MAN2A1: variants seen among roughly 807,000 people sequenced by gnomAD.
MAN2A1 encodes the protein mannosidase alpha class 2A member 1, also known as alpha-mannosidase 2.
MAN2A1 carries 76 observed loss-of-function variants against 142.6 expected under a neutral mutation model. The ratio of observed to expected loss-of-function variants is 0.53; its 90% confidence interval spans 0.44 to 0.65. The LOEUF (loss-of-function observed/expected upper bound fraction) is 0.65. MAN2A1 is among the 30% of genes least tolerant of loss of function. The pLI, the probability that MAN2A1 is intolerant of heterozygous loss-of-function variation, is 0.00. For missense variants in MAN2A1, 1,311 were observed against 1,365.1 expected (o/e 0.96, Z 0.62); for synonymous variants, 559 against 473.2 (o/e 1.18, Z -2.35).
chr5:109,791,377 A>G (rs76624290), intron 12 of MAN2A1, among the ~76,000 whole-genome samples: 2,857 of 152,188 alleles, frequency 0.019, 34 homozygotes, highest in Middle Eastern at 0.075. Flanking sequence ...GTAAAAATAG[A>G]TGAACAATGA....
chr5:109,771,653 G>A (rs561241281), intron 7 of MAN2A1, among the ~76,000 whole-genome samples: 2 of 152,328 alleles, frequency 1.3e-5, no homozygotes, highest in South Asian at 4.1e-4. Context: ...GTTGGGTTAA[G>A]TAGGCATAAG....
At chr5:109,838,874 G>T (rs543094625) in intron 16 of MAN2A1, among the ~76,000 whole-genome samples, 28 of 152,264 alleles carry the variant, frequency 1.8e-4, no homozygotes, top group African/African-American at 4.6e-4. Flanking sequence ...TGAGAAAGAT[G>T]ATTTTCTCAA....
Position 109,817,257 on chromosome 5 carries a change from G to A in MAN2A1, c.1944-16G>A. The stretch of plus-strand genomic sequence containing the variant: ...AATATTTTGAGATCCCAATAATGAA[G>A]CAGCTGTTTTTGCAGGTACCTTGTG... On this transcript the variant is annotated splice_polypyrimidine_tract_variant and intron_variant, in intron 12 of 21. Transcript: ENST00000261483. The A allele has an allele frequency of 6.2e-7, 1 of 1,611,002 alleles. No homozygotes were observed. Among genetic ancestry groups the A allele is most frequent in the Non-Finnish European group, 8.5e-7 (1 of 1,178,268 alleles).
chr5:109,727,313 G>A (rs1256618488), intron 3 of MAN2A1, among the ~76,000 whole-genome samples: 2 of 152,024 alleles, frequency 1.3e-5, no homozygotes, highest in Non-Finnish European at 2.9e-5. Context: ...GCTTGTTGAT[G>A]GCTGTCTTCT....
chr5:109,800,964 G>T (rs1490080485), intron 12 of MAN2A1, among the ~76,000 whole-genome samples: 7 of 152,124 alleles, frequency 4.6e-5, no homozygotes, highest in African/African-American at 1.7e-4. Context: ...GAATCATCTC[G>T]CATTCATTGT....
intron 12 of MAN2A1, among the ~76,000 whole-genome samples, chr5:109,806,170 T>C (rs1217553918): frequency 1.3e-5 from 2 of 152,156 alleles, no homozygotes; most frequent in African/African-American, 2.4e-5. Context: ...CTGAGTGCTC[T>C]AGTTGCTGCA....
chr5:109,830,184 A>G (rs944447836), intron 16 of MAN2A1, among the ~76,000 whole-genome samples: 1 of 152,150 alleles, frequency 6.6e-6, no homozygotes, highest in African/African-American at 2.4e-5. Context: ...TTTTTTCATG[A>G]TATGCATTTT....
In MAN2A1 at chr5:109,798,670, GTTTGTTTTGT is replaced by G. The variant is rs146995078; in HGVS notation, c.1943+9162_1943+9171del. Among the ~76,000 whole-genome samples, 33 of 151,974 alleles carry G rather than the reference GTTTGTTTTGT, an allele frequency of 2.2e-4. 1 individual carries two copies. Among genetic ancestry groups the G allele is most frequent in the African/African-American group, 5.1e-4 (21 of 41,444 alleles). On this transcript the variant is annotated intron_variant, in intron 12 of 21. Transcript: ENST00000261483. ...GACCTTTTCATTCTGTGTTTTGTTT[GTTTGTTTTGT>G]TTTGTTTTGTTTTGTTTTTGAGATG...
At chr5:109,843,134 G>A (rs1174554953) in intron 17 of MAN2A1, among the ~76,000 whole-genome samples, 2 of 152,050 alleles carry the variant, frequency 1.3e-5, no homozygotes, top group African/African-American at 4.8e-5. Flanking sequence ...CTCTCACACT[G>A]CTATAGCGAA....
chr5:109,821,063 T>C (rs757847154), intron 15 of MAN2A1, among the ~76,000 whole-genome samples: 1 of 152,130 alleles, frequency 6.6e-6, no homozygotes. Flanking sequence ...ATACGCAAAC[T>C]CTGGCACATT....
intron 4 of MAN2A1, among the ~76,000 whole-genome samples, chr5:109,735,452 A>G (rs898631278): frequency 3.3e-5 from 5 of 152,128 alleles, no homozygotes; most frequent in Non-Finnish European, 7.4e-5. Context: ...TAGTTGATGC[A>G]GTTTCTTCCT....
In MAN2A1 at chr5:109,758,197, C is replaced by T. The variant is rs147926449; in HGVS notation, c.835+2741C>T. Among the ~76,000 whole-genome samples the T allele has an allele frequency of 2.7e-3, 412 of 152,146 alleles. 3 individuals are homozygous for T. Among genetic ancestry groups the T allele is most frequent in the African/African-American group, 9.3e-3 (388 of 41,544 alleles). On this transcript the variant is annotated intron_variant, in intron 5 of 21. Transcript: ENST00000261483. ...TTCACCAACATTTGTTACTGTCTCT[C>T]TTTTTTATTGTAGTCATTCTAATAT...
rs1047004 is a variant in MAN2A1 at position 109,867,024 on chromosome 5, A to G, written c.*26A>G. The G allele has an allele frequency of 0.064, 103,073 of 1,598,734 alleles. 3,969 individuals are homozygous for G. Among genetic ancestry groups the G allele is most frequent in the Non-Finnish European group, 0.072 (84,789 of 1,171,774 alleles). On this transcript the variant is annotated 3_prime_UTR_variant, in exon 22 of 22. Coordinates refer to ENST00000261483, the MANE Select transcript of MAN2A1 (RefSeq NM_002372.4). ...ACCTGACTTTCACATTTGGATTGAG[A>G]ATCATTGGCTTTTATACCTTTCTTG...
intron 20 of MAN2A1, among the ~76,000 whole-genome samples, chr5:109,861,704 A>T (rs1396084053): frequency 6.6e-6 from 1 of 152,220 alleles, no homozygotes; most frequent in Non-Finnish European, 1.5e-5. Flanking sequence ...TCCTGGGAGC[A>T]CGCTCAGGTG....
intron 7 of MAN2A1, among the ~76,000 whole-genome samples, chr5:109,773,784 T>C (rs1007375053): frequency 2.0e-5 from 3 of 152,176 alleles, no homozygotes; most frequent in Admixed American, 2.0e-4. Context: ...CATTCTGTCA[T>C]TGGTGTTCTT....
intron 4 of MAN2A1, among the ~76,000 whole-genome samples, chr5:109,750,703 TATGA>T (rs1396445742): frequency 1.3e-5 from 2 of 152,144 alleles, no homozygotes; most frequent in Non-Finnish European, 2.9e-5. Flanking sequence ...TATTTTGAAA[TATGA>T]ATCCCTTGGC....
Position 109,817,421 on chromosome 5 carries a change from T to A in MAN2A1, c.2092T>A (p.Ser698Thr). 1 of 1,613,918 alleles carries A rather than the reference T, an allele frequency of 6.2e-7. No homozygotes were observed. Among genetic ancestry groups the A allele is most frequent in the Non-Finnish European group, 8.5e-7 (1 of 1,179,920 alleles). Residue 698 changes from serine to threonine, a missense_variant, in exon 13 of 22, where the codon TCA becomes ACA. By Grantham distance (58) the Ser-to-Thr change is moderately conservative (BLOSUM62 1). Transcript: ENST00000261483. ...SAVWDTANTI[S>T]ETAYEISFRA... ...AGTTTGGGATACAGCAAATACTATT[T>A]CAGAAACAGCCTATGAGGTATGTTG...
chr5:109,751,567 T>G (rs973488825), intron 4 of MAN2A1, among the ~76,000 whole-genome samples: 24 of 146,858 alleles, frequency 1.6e-4, no homozygotes, highest in Admixed American at 1.6e-3. Flanking sequence ...CTATTTTTAG[T>G]TTTTTTTTTT....
chr5:109,837,252 G>A (rs1755080832), intron 16 of MAN2A1, among the ~76,000 whole-genome samples: 1 of 151,468 alleles, frequency 6.6e-6, no homozygotes, highest in Non-Finnish European at 1.5e-5. Context: ...CTTCTAAGGT[G>A]AGTGTGCCAT....
Sources: gnomAD v4.1 joint callset for allele counts (sites outside exome capture counted in the v4.1 genomes callset) on GRCh38, gnomAD v4.1.1 for gene constraint, MANE v1.5 for transcripts, NCBI Gene and HGNC (gene_info 2026-07-23, HGNC 2026-07-21) for gene names.